The following POLD1 variants were observed in gnomAD, a reference collection of about 807,000 sequenced individuals.
POLD1 encodes DNA polymerase delta catalytic subunit.
A neutral mutation model predicts 129.7 loss-of-function variants in POLD1; 79 were observed. The observed-to-expected ratio is 0.61, with a 90% CI of 0.51 to 0.73. The LOEUF is 0.73. Among genes scored for constraint, POLD1 ranks in the 30% least tolerant of loss-of-function variants. The pLI is 0.00. For missense variants in POLD1, 1,338 were observed against 1,595.8 expected, an observed-to-expected ratio of 0.84 and a Z score of 2.75; for synonymous variants, 714 against 683.3, an observed-to-expected ratio of 1.04 and a Z score of -0.70.
chr19:50,391,916 C>G (rs28757373), intron 1 of POLD1, among the ~76,000 whole-genome samples: 7,962 of 151,770 alleles, frequency 0.052, 697 homozygotes, highest in African/African-American at 0.18. Flanking sequence ...GGGTTTTCAC[C>G]ACGTTGGCCA....
intron 1 of POLD1, among the ~76,000 whole-genome samples, chr19:50,392,438 G>C (rs958735239): frequency 1.3e-5 from 2 of 151,998 alleles, no homozygotes; most frequent in Non-Finnish European, 2.9e-5. Context: ...AAAGATTACA[G>C]ACCAGTGTTG....
intron 3 of POLD1, among the ~76,000 whole-genome samples, 194 bp from the exon 4 acceptor site, chr19:50,401,584 T>C (rs1238230884): frequency 6.6e-6 from 1 of 151,318 alleles, no homozygotes; most frequent in African/African-American, 2.4e-5. Flanking sequence ...CTCCCTGTAG[T>C]TGTGCTGTGG....
At chr19:50,396,705 C>CA (rs1568612523) in intron 1 of POLD1, among the ~76,000 whole-genome samples, 4 of 151,904 alleles carry the variant, frequency 2.6e-5, no homozygotes, top group African/African-American at 9.7e-5. Flanking sequence ...TGGTCTCGAT[C>CA]TCCTGACCTC....
Position 50,415,081 on chromosome 19 carries a change from C to T in POLD1, c.2564+91C>T, listed in dbSNP as rs1004005572. The T allele has an allele frequency of 4.0e-6, 5 of 1,246,086 alleles. No homozygotes were observed. In the South Asian group the frequency reaches 4.9e-5, roughly 12 times the overall value. The allele number at this position is 1,246,086 out of a possible 1,614,324, so 77.2% of individuals were successfully genotyped here. A position where few individuals can be genotyped will look rare whatever the true frequency, so the allele number is the denominator to read the frequency against. Reference sequence around the variant, plus strand: ...GGAGTCTAGGCCCCAGCCCCTCCTCCCTCAGACCCACGGGTCCAGGCCCCC... The same window carrying T: ...GGAGTCTAGGCCCCAGCCCCTCCTCTCTCAGACCCACGGGTCCAGGCCCCC... On this transcript the variant is annotated intron_variant, in intron 20 of 26. Coordinates refer to ENST00000440232, the MANE Select transcript of POLD1 (RefSeq NM_002691.4).
chr19:50,415,577 G>C lies in POLD1; in HGVS notation c.2704G>C (p.Glu902Gln), dbSNP rs373951714. The C allele has an allele frequency of 3.7e-6, 6 of 1,611,474 alleles. No homozygotes were observed. The African/African-American group carries it at 8.0e-5, about 22-fold the overall frequency. ...SDYAGKQAHV[E>Q]LAERMRKRDP... Reference sequence around the variant, plus strand: ...CTATGCCGGCAAGCAGGCCCACGTGGAGCTGGCCGAGAGGTCCTGCGCGGG... The same window carrying C: ...CTATGCCGGCAAGCAGGCCCACGTGCAGCTGGCCGAGAGGTCCTGCGCGGG... The change falls in exon 21 of 27, where the codon GAG becomes CAG. Residue 902 changes from glutamate (E) to glutamine (Q), a missense_variant. Around this residue, in one of 3 missense-constraint regions of POLD1, gnomAD observed 720 missense variants for 1,002.6 expected, o/e 0.72. Coordinates refer to ENST00000440232, the MANE Select transcript of POLD1 (RefSeq NM_002691.4).
rs2039001764 is a variant in POLD1 at position 50,409,107 on chromosome 19, CA to C, written c.1893-14del. 2 of 1,583,376 alleles carry C rather than the reference CA, an allele frequency of 1.3e-6. No individual in the cohort carries two copies. Among genetic ancestry groups the C allele is most frequent in the African/African-American group, 2.7e-5 (2 of 74,386 alleles). ...GGAGGGTGGCCGGCAGTCACCCCAA[CA>C]TCTTCCAACCCAGCCTGACTGAGGA... On this transcript the variant is annotated splice_polypyrimidine_tract_variant and intron_variant, in intron 15 of 26. Coordinates refer to ENST00000440232, the MANE Select transcript of POLD1 (RefSeq NM_002691.4). The surrounding 1 kb of genome is among the most constrained non-coding windows in gnomAD (Gnocchi z 5.8).
chr19:50,415,772 C>G lies in POLD1; in HGVS notation c.2766C>G (p.Val922=). The change falls in exon 22 of 27, where the codon GTC becomes GTG. Residue 922 remains valine (V), a synonymous_variant. Coordinates refer to ENST00000440232, the MANE Select transcript of POLD1 (RefSeq NM_002691.4). ...GTGCGCCCAGCCTGGGCGACCGCGT[C>G]CCCTACGTGATCATCAGTGCCGCCA... The part of the protein sequence containing the change: ...PGSAPSLGDR[V]PYVIISAAKG... 6.4e-7 allele frequency: 1 copy of G among 1,571,688 alleles called. No homozygotes were observed. The highest frequency in any genetic ancestry group is 8.6e-7 in the Non-Finnish European group (1 of 1,161,136).
chr19:50,386,075 C>G (rs2037961105), intron 1 of POLD1, among the ~76,000 whole-genome samples: 1 of 152,122 alleles, frequency 6.6e-6, no homozygotes, highest in Non-Finnish European at 1.5e-5. Flanking sequence ...AAGAGAAGAA[C>G]CTGTGCGCTC....
chr19:50,414,698 G>A (rs2039209639), intron 19 of POLD1, 117 bp from the exon 20 acceptor site: 2 of 811,956 alleles, frequency 2.5e-6, no homozygotes, highest in South Asian at 4.6e-5. Flanking sequence ...TCAGGGCACG[G>A]CTCCCATGTC....
rs902808313 is a variant in POLD1 at position 50,388,996 on chromosome 19, C to T, written c.-2+4606C>T. ...TATAGGCGCGCACCACCACATCTGGCTAATTTTTGTATTTTTAGTAAAGAT... is the reference window on the plus strand; with the variant it reads ...TATAGGCGCGCACCACCACATCTGGTTAATTTTTGTATTTTTAGTAAAGAT... On this transcript the variant is annotated intron_variant, in intron 1 of 26. Coordinates refer to ENST00000440232, the MANE Select transcript of POLD1 (RefSeq NM_002691.4). Among the ~76,000 whole-genome samples the T allele has an allele frequency of 2.0e-5, 3 of 151,944 alleles. No individual in the cohort carries two copies. The South Asian group carries it at 6.2e-4, about 32-fold the overall frequency.
rs114722557 is a variant in POLD1 at position 50,406,635 on chromosome 19, T to G, written c.1494+118T>G. ...GACCTCACTCTTTGACCTGCTGTTA[T>G]GACCTGTGACCTTACCTGACGCCCA... On this transcript the variant is annotated intron_variant, in intron 12 of 26. Coordinates refer to ENST00000440232, the MANE Select transcript of POLD1 (RefSeq NM_002691.4). The surrounding 1 kb of genome is among the most constrained non-coding windows in gnomAD (Gnocchi z 5.5). 2.7e-6 allele frequency: 2 copies of G among 747,920 alleles called. No homozygotes were observed. The highest frequency in any genetic ancestry group is 4.5e-6 in the Non-Finnish European group (2 of 439,712). 46.3% of individuals were successfully genotyped at this position (747,920 alleles called of 1,614,324 possible). A position where few individuals can be genotyped will look rare whatever the true frequency, so the allele number is the denominator to read the frequency against.
At position 50,398,969 on chromosome 19, in the gene POLD1, C is replaced by G. The variant is rs1201454948; in HGVS notation, c.118C>G (p.Leu40Val). 1 of 1,578,342 alleles carries G rather than the reference C, an allele frequency of 6.3e-7. No individual in the cohort carries two copies. The highest frequency in any genetic ancestry group is 8.6e-7 in the Non-Finnish European group (1 of 1,162,400). Reference protein sequence around the residue: ...RPSQFEEDLALMEEMEAEHRL... With the variant: ...RPSQFEEDLAVMEEMEAEHRL... ...ATCCCAATTCGAGGAGGACCTGGCA[C>G]TGATGGAGGAGATGGAGGCAGAACA... The change falls in exon 2 of 27, where the codon CTG (leucine) becomes GTG (valine). Residue 40 changes from leucine to valine, a missense_variant. By Grantham distance (32) the Leu-to-Val change is conservative. Coordinates refer to ENST00000440232, the MANE Select transcript of POLD1 (RefSeq NM_002691.4).
chr19:50,402,264 C>T lies in POLD1; in HGVS notation c.649C>T (p.Pro217Ser), dbSNP rs1060501817. 4 of 1,603,878 alleles carry T rather than the reference C, an allele frequency of 2.5e-6. No individual in the cohort carries two copies. The South Asian group carries it at 3.3e-5, about 13-fold the overall frequency. ...GTTCCTGCGCATCACCGTGGCGCTG[C>T]CGCGCCTCGTGGCCCCGGCCCGCCG... ...SPFLRITVAL[P>S]RLVAPARRLL... The change falls in exon 6 of 27, where the codon CCG becomes TCG. Residue 217 changes from proline (P) to serine (S), a missense_variant. By Grantham distance (74) the Pro-to-Ser change is moderately conservative. Transcript: ENST00000440232.
At chr19:50,417,356 G>C in intron 26 of POLD1, 87 bp downstream of exon 26, 2 of 840,094 alleles carry the variant, frequency 2.4e-6, no homozygotes, top group Non-Finnish European at 3.8e-6. Context: ...TGACTCCAAG[G>C]CCTCTCCTGA....
intron 1 of POLD1, 142 bp downstream of exon 1, chr19:50,384,532 GTTTCC>G (rs1370786803): frequency 6.6e-6 from 1 of 151,834 alleles, no homozygotes; most frequent in Non-Finnish European, 1.5e-5. Flanking sequence ...GGGGCCAGGG[GTTTCC>G]TGGGCGAGGG....
At chr19:50,391,384 C>A (rs553105392) in intron 1 of POLD1, among the ~76,000 whole-genome samples, 6 of 152,296 alleles carry the variant, frequency 3.9e-5, no homozygotes, top group Middle Eastern at 3.4e-3. Context: ...CGAGATCACG[C>A]CACTGCACTC....
In POLD1 at chr19:50,417,823, C is replaced by A. The variant is rs374168125; in HGVS notation, c.3219-19C>A. 93 of 1,523,480 alleles carry A rather than the reference C, an allele frequency of 6.1e-5. No homozygotes were observed. In the African/African-American group the frequency reaches 1.1e-3, roughly 18 times the overall value. 94.4% of individuals were successfully genotyped at this position (1,523,480 alleles called of 1,614,324 possible). On this transcript the variant is annotated intron_variant, in intron 26 of 26. Coordinates refer to ENST00000440232, the MANE Select transcript of POLD1 (RefSeq NM_002691.4). ...TGGGCCTTGGCTGGTCCTGACCCTG[C>A]CCCTGCCCCCACCCGCAGCCGGGAC...
At position 50,415,787 on chromosome 19, in the gene POLD1, C is replaced by T. The variant is rs1429621911; in HGVS notation, c.2781C>T (p.Ile927=). ...GCGACCGCGTCCCCTACGTGATCAT[C>T]AGTGCCGCCAAGGGTGTGGCCGCCT... The part of the protein sequence containing the change: ...SLGDRVPYVI[I]SAAKGVAAYM... The change falls in exon 22 of 27, where the codon ATC becomes ATT. Residue 927 remains isoleucine, a synonymous_variant. Coordinates refer to ENST00000440232, the MANE Select transcript of POLD1 (RefSeq NM_002691.4). The T allele has an allele frequency of 1.3e-6, 2 of 1,565,086 alleles. No individual in the cohort carries two copies. Among genetic ancestry groups the T allele is most frequent in the African/African-American group, 1.3e-5 (1 of 74,078 alleles).
rs892103579 is a variant in POLD1 at position 50,386,690 on chromosome 19, C to T, written c.-2+2300C>T. Reference sequence around the variant, plus strand: ...ATGCAGCGAACACTGCCTAAGGCCTCCTGGGGGCCCACCCTGTGCTGGGTG... The same window carrying T: ...ATGCAGCGAACACTGCCTAAGGCCTTCTGGGGGCCCACCCTGTGCTGGGTG... On this transcript the variant is annotated intron_variant, in intron 1 of 26. Coordinates refer to ENST00000440232, the MANE Select transcript of POLD1 (RefSeq NM_002691.4). Among the ~76,000 whole-genome samples the T allele has an allele frequency of 3.0e-4, 45 of 152,312 alleles. 1 individual carries two copies. Among genetic ancestry groups the T allele is most frequent in the Admixed American group, 8.5e-4 (13 of 15,294 alleles).
Sources: gnomAD v4.1 joint callset for allele counts (sites outside exome capture counted in the v4.1 genomes callset) on GRCh38, gnomAD v4.1.1 for gene constraint, gnomAD v4.1.1 regional missense constraint, Gnocchi (gnomAD v3.1) non-coding constraint, MANE v1.5 for transcripts, NCBI Gene and HGNC (gene_info 2026-07-23, HGNC 2026-07-21) for gene names.